FREM2: variants seen among roughly 807,000 people sequenced by gnomAD.
FREM2 encodes FRAS1-related extracellular matrix protein 2.
FREM2 carries 119 observed loss-of-function variants against 219.9 expected under a neutral mutation model. That is an observed-to-expected ratio of 0.54 (90% CI 0.47 to 0.63). The LOEUF (loss-of-function observed/expected upper bound fraction) is 0.63, where lower values mean the gene tolerates loss of function less well. Among genes scored for constraint, FREM2 ranks in the 30% least tolerant of loss-of-function variants. FREM2 has a pLI of 0.00. For synonymous variants in FREM2, 1,562 were observed against 1,522.8 expected (o/e 1.03, Z -0.60); for missense variants, 4,030 against 3,993.6 (o/e 1.01, Z -0.25).
At chr13:38,855,713 C>T (rs1221140282) in intron 11 of FREM2, among the ~76,000 whole-genome samples, 14 of 151,940 alleles carry the variant, frequency 9.2e-5, no homozygotes, top group Admixed American at 9.2e-4. Flanking sequence ...ATACAATGAA[C>T]TTTTGGGACT....
At chr13:38,762,397 G>A (rs1472203524) in intron 2 of FREM2, among the ~76,000 whole-genome samples, 1 of 151,902 alleles carries the variant, frequency 6.6e-6, no homozygotes, top group Admixed American at 6.6e-5. Flanking sequence ...TGTGGAATGA[G>A]TTTCCTTGTT....
chr13:38,814,159 G>C (rs1274950064), intron 6 of FREM2, among the ~76,000 whole-genome samples: 2 of 152,136 alleles, frequency 1.3e-5, no homozygotes, highest in African/African-American at 4.8e-5. Flanking sequence ...TCTCTGAGAA[G>C]ACATACATCT....
chr13:38,777,113 T>A (rs993489493), intron 4 of FREM2, among the ~76,000 whole-genome samples: 1 of 151,942 alleles, frequency 6.6e-6, no homozygotes, highest in Non-Finnish European at 1.5e-5. Flanking sequence ...GATTTATTAA[T>A]ATGCATATTG....
intron 4 of FREM2, among the ~76,000 whole-genome samples, chr13:38,771,697 T>C (rs982057463): frequency 6.6e-6 from 1 of 152,166 alleles, no homozygotes; most frequent in African/African-American, 2.4e-5. Context: ...GCCCTGTTTA[T>C]TTCAAGTCAT....
chr13:38,873,380 T>C (rs974326538), intron 17 of FREM2, among the ~76,000 whole-genome samples: 12 of 152,218 alleles, frequency 7.9e-5, no homozygotes, highest in South Asian at 2.1e-4. Flanking sequence ...GTCATGACTC[T>C]ACAACTAACT....
chr13:38,689,193 C>T lies in FREM2; in HGVS notation c.1849C>T (p.Pro617Ser), dbSNP rs1424009057. 6.2e-7 allele frequency: 1 copy of T among 1,614,056 alleles called. No individual in the cohort carries two copies. Among genetic ancestry groups the T allele is most frequent in the Non-Finnish European group, 8.5e-7 (1 of 1,180,026 alleles). ...TGHLLLRQTH[P>S]PHEKQELLRG... The stretch of plus-strand genomic sequence containing the variant: ...GCATCTGCTTCTCCGCCAAACTCAC[C>T]CTCCCCATGAGAAGCAGGAACTTCT... The change falls in exon 1 of 24, where the codon CCT becomes TCT. Residue 617 changes from proline (P) to serine (S), a missense_variant. Transcript: ENST00000280481.
chr13:38,814,830 C>T (rs925160124), intron 6 of FREM2, among the ~76,000 whole-genome samples: 1 of 152,180 alleles, frequency 6.6e-6, no homozygotes, highest in African/African-American at 2.4e-5. Flanking sequence ...AGAGGAGCCT[C>T]TCCCTGGGAC....
intron 2 of FREM2, among the ~76,000 whole-genome samples, chr13:38,754,886 G>GATTATT (rs1491523407): frequency 0.032 from 2,621 of 82,566 alleles, 45 homozygotes; most frequent in Middle Eastern, 0.058. Flanking sequence ...TGATGATGAT[G>GATTATT]ATGATGATGA....
intron 4 of FREM2, among the ~76,000 whole-genome samples, chr13:38,779,924 C>G (rs1391248423): frequency 1.3e-5 from 2 of 152,164 alleles, no homozygotes; most frequent in African/African-American, 4.8e-5. Flanking sequence ...TTGTCTTCAT[C>G]CCTAGGACTT....
intron 2 of FREM2, among the ~76,000 whole-genome samples, chr13:38,757,139 T>C (rs1873042211): frequency 6.6e-6 from 1 of 152,220 alleles, no homozygotes; most frequent in African/African-American, 2.4e-5. Flanking sequence ...TTTTGCATAG[T>C]AGATGAATAG....
Position 38,689,713 on chromosome 13 carries a change from G to T in FREM2, c.2369G>T (p.Gly790Val), listed in dbSNP as rs1345185914. ...CATAAAATTGCTTACAGACCCCCGG[G>T]TCAAGAACTGGGCGTGGCTACTCGA... is the stretch of plus-strand genomic sequence containing the variant. ...NHHKIAYRPP[G>V]QELGVATRVA... The change falls in exon 1 of 24, where the codon GGT (glycine) becomes GTT (valine). Residue 790 changes from glycine to valine, a missense_variant. Physicochemically the swap from Gly to Val is moderately radical, Grantham distance 109 (BLOSUM62 -3). This residue lies in a region of FREM2 where 3,102 missense variants were observed against 2,950.7 expected (regional missense o/e 1.05). Transcript: ENST00000280481. 5.6e-6 allele frequency: 9 copies of T among 1,613,892 alleles called. No individual in the cohort carries two copies. Among genetic ancestry groups the T allele is most frequent in the Non-Finnish European group, 6.8e-6 (8 of 1,179,930 alleles).
chr13:38,702,497 G>A (rs1230951137), intron 2 of FREM2, among the ~76,000 whole-genome samples: 1 of 152,110 alleles, frequency 6.6e-6, no homozygotes, highest in African/African-American at 2.4e-5. Flanking sequence ...CCAGCAAAAA[G>A]TATCTCTAGT....
chr13:38,783,337 T>C (rs578165537), intron 5 of FREM2, 142 bp downstream of exon 5: 2 of 938,508 alleles, frequency 2.1e-6, no homozygotes, highest in South Asian at 2.7e-5. Context: ...TATTTAGAAG[T>C]CTTTCTTCAG....
intron 2 of FREM2, among the ~76,000 whole-genome samples, chr13:38,738,871 C>A (rs1335296450): frequency 1.3e-5 from 2 of 152,154 alleles, no homozygotes; most frequent in African/African-American, 4.8e-5. Context: ...AGTGTAGTGT[C>A]ACACTGTTAA....
chr13:38,826,361 G>A (rs2137883129), intron 6 of FREM2, among the ~76,000 whole-genome samples: 1 of 152,184 alleles, frequency 6.6e-6, no homozygotes, highest in Non-Finnish European at 1.5e-5. Context: ...AGGGGGAGTG[G>A]CACCCCTGGC....
chr13:38,690,810 G>A lies in FREM2; in HGVS notation c.3466G>A (p.Val1156Met), dbSNP rs1290835758. 8 of 1,614,054 alleles carry A rather than the reference G, an allele frequency of 5.0e-6. No individual in the cohort carries two copies. The highest frequency in any genetic ancestry group is 5.9e-6 in the Non-Finnish European group (7 of 1,180,040). Residue 1156 changes from valine to methionine, a missense_variant, in exon 1 of 24, where the codon GTG (valine) becomes ATG (methionine). Physicochemically the swap from Val to Met is conservative, Grantham distance 21. Transcript: ENST00000280481. ...CTATGTCCAGAGTGTCCATAAAGGG[G>A]TGGAACCTGTGGAGGACCGATTTGT... The part of the protein sequence containing the change: ...INYVQSVHKG[V>M]EPVEDRFVFR...
Position 38,691,291 on chromosome 13 carries a change from T to G in FREM2, c.3947T>G (p.Ile1316Ser). 1.2e-6 allele frequency: 2 copies of G among 1,613,986 alleles called. No homozygotes were observed. Among genetic ancestry groups the G allele is most frequent in the Non-Finnish European group, 1.7e-6 (2 of 1,179,886 alleles). ...MTINNGLEIE[I>S]GDTKIINNKI... The stretch of plus-strand genomic sequence containing the variant: ...ATCAATAATGGACTAGAAATAGAAA[T>G]TGGGGATACCAAGATTATCAACAAC... Residue 1316 changes from isoleucine (I) to serine (S), a missense_variant, in exon 1 of 24, where the codon ATT (isoleucine) becomes AGT (serine). Physicochemically the swap from Ile to Ser is moderately radical, Grantham distance 142. Coordinates refer to ENST00000280481, the MANE Select transcript of FREM2 (RefSeq NM_207361.6).
Position 38,880,782 on chromosome 13 carries a change from G to T in FREM2, c.9505G>T (p.Val3169Phe), listed in dbSNP as rs772738413. ...GAGCCATCACAATGACAGCTCAGAA[G>T]TTTGATGACTGCAGGTAGAATTCAA... Reference protein sequence around the residue: ...PQSHHNDSSEV With the variant: ...PQSHHNDSSEF Residue 3169 changes from valine to phenylalanine, a missense_variant, in exon 24 of 24, where the codon GTT (valine) becomes TTT (phenylalanine). Around this residue, in one of 2 missense-constraint regions of FREM2, gnomAD observed 928 missense variants for 1,042.9 expected, o/e 0.89. Coordinates refer to ENST00000280481, the MANE Select transcript of FREM2 (RefSeq NM_207361.6). The T allele has an allele frequency of 2.5e-6, 4 of 1,614,128 alleles. No individual in the cohort carries two copies. The East Asian group carries it at 8.9e-5, about 36-fold the overall frequency.
chr13:38,700,925 A>T (rs1431172727), intron 2 of FREM2, among the ~76,000 whole-genome samples: 1 of 152,078 alleles, frequency 6.6e-6, no homozygotes, highest in Non-Finnish European at 1.5e-5. Flanking sequence ...ATTTTAAAAT[A>T]CTTTAAAAGT....
Sources: gnomAD v4.1 joint callset for allele counts (sites outside exome capture counted in the v4.1 genomes callset) on GRCh38, gnomAD v4.1.1 for gene constraint, gnomAD v4.1.1 regional missense constraint, MANE v1.5 for transcripts, NCBI Gene and HGNC (gene_info 2026-07-23, HGNC 2026-07-21) for gene names.